Variants in ANXA4 observed in about 807,000 individuals in gnomAD.
ANXA4 encodes annexin A4, also known as 35-beta calcimedin.
Under a neutral mutation model 49.8 loss-of-function variants are expected in ANXA4, and 39 were observed. That is an observed-to-expected ratio of 0.78 (90% CI 0.61 to 1.02). The LOEUF (loss-of-function observed/expected upper bound fraction) is 1.02. Ranked by LOEUF, ANXA4 falls within the 50% of genes least tolerant of loss-of-function variation. The pLI is 0.00. For synonymous variants in ANXA4, 134 were observed against 152.5 expected (o/e 0.88, Z 0.89); for missense variants, 360 against 410.1 (o/e 0.88, Z 1.05).
At chr2:69,693,559 G>C (rs543296656) in intron 2 of ANXA4, among the ~76,000 whole-genome samples, 92 of 152,240 alleles carry the variant, frequency 6.0e-4, no homozygotes, top group African/African-American at 2.2e-3. Flanking sequence ...CATGTCTTCA[G>C]GCCTCTGGGG....
chr2:69,741,723 C>CG (rs541726574), upstream of ANXA4, among the ~76,000 whole-genome samples: 1 of 152,336 alleles, frequency 6.6e-6, no homozygotes, highest in East Asian at 1.9e-4. Flanking sequence ...GAGCTGGGCG[C>CG]GGCAGGCGCA....
At chr2:69,740,687 T>C, upstream of ANXA4, among the ~76,000 whole-genome samples, 1 of 137,526 alleles carries the variant, frequency 7.3e-6, no homozygotes, top group East Asian at 2.0e-4. Context: ...CCTCTTTTTT[T>C]TTTTTTTTTT....
intron 12 of ANXA4, among the ~76,000 whole-genome samples, chr2:69,825,108 C>T (rs1156379557): frequency 9.2e-6 from 1 of 108,182 alleles, no homozygotes; most frequent in Non-Finnish European, 2.1e-5. Flanking sequence ...CAAAAATGAA[C>T]AAAATAGGGA....
chr2:69,767,297 C>G (rs1671532080), intron 1 of ANXA4, among the ~76,000 whole-genome samples: 1 of 152,146 alleles, frequency 6.6e-6, no homozygotes, highest in South Asian at 2.1e-4. Flanking sequence ...TAAACATAAC[C>G]AGATGGGGTC....
At position 69,812,680 on chromosome 2, in the gene ANXA4, G is replaced by A; in HGVS notation, c.505G>A (p.Asp169Asn). Residue 169 changes from aspartate (D) to asparagine (N), a missense_variant, in exon 8 of 13, where the codon GAC (aspartate) becomes AAC (asparagine). Transcript: ENST00000394295. ...AGGRDEGNYL[D>N]DALVRQDAQD... ...TGGGAGGGATGAAGGAAATTATCTG[G>A]ACGATGCTCTCGTGAGACAGGATGC... The A allele has an allele frequency of 6.2e-7, 1 of 1,614,074 alleles. No individual in the cohort carries two copies. Among genetic ancestry groups the A allele is most frequent in the Non-Finnish European group, 8.5e-7 (1 of 1,179,996 alleles).
At chr2:69,771,200 C>T (rs1224034366) in intron 1 of ANXA4, among the ~76,000 whole-genome samples, 1 of 151,178 alleles carries the variant, frequency 6.6e-6, no homozygotes, top group Non-Finnish European at 1.5e-5. Flanking sequence ...GGAAGCCAAA[C>T]TCTAGCCTAA....
At chr2:69,722,379 C>G (rs949275873) in intron 3 of ANXA4, among the ~76,000 whole-genome samples, 9 of 152,138 alleles carry the variant, frequency 5.9e-5, no homozygotes, top group African/African-American at 2.2e-4. Context: ...AAGTGTCCAT[C>G]AACAGATGAA....
intron 2 of ANXA4, 89 bp downstream of exon 2, chr2:69,781,663 A>G (rs929699144): frequency 4.6e-5 from 66 of 1,431,236 alleles, no homozygotes; most frequent in Non-Finnish European, 6.3e-5. Context: ...TAAACAAAGC[A>G]TTGTTTACTC....
chr2:69,753,433 C>A (rs1670930763), intron 1 of ANXA4, among the ~76,000 whole-genome samples: 1 of 152,214 alleles, frequency 6.6e-6, no homozygotes, highest in Non-Finnish European at 1.5e-5. Flanking sequence ...ATTTTAACTG[C>A]TCCCCACGTG....
intron 3 of ANXA4, among the ~76,000 whole-genome samples, chr2:69,732,471 A>C (rs901231486): frequency 6.7e-6 from 1 of 149,868 alleles, no homozygotes; most frequent in Non-Finnish European, 1.5e-5. Context: ...AGAGTATTAC[A>C]GTGTTGGCTG....
intron 3 of ANXA4, among the ~76,000 whole-genome samples, chr2:69,801,900 C>T (rs555555618): frequency 6.6e-6 from 1 of 152,242 alleles, no homozygotes; most frequent in Admixed American, 6.5e-5. Flanking sequence ...TGGGAAACAA[C>T]ATATGACAGA....
intron 1 of ANXA4, among the ~76,000 whole-genome samples, chr2:69,766,656 G>C (rs1671506026): frequency 6.6e-6 from 1 of 152,196 alleles, no homozygotes; most frequent in South Asian, 2.1e-4. Context: ...AGTTAGACCT[G>C]TACTTTTCCT....
intron 2 of ANXA4, among the ~76,000 whole-genome samples, chr2:69,666,520 A>T (rs745830303): frequency 1.1e-4 from 16 of 152,236 alleles, no homozygotes; most frequent in Non-Finnish European, 2.2e-4. Context: ...TATGTATGCA[A>T]AAAAACTTAT....
chr2:69,645,025 C>G (rs1336760318), intron 1 of ANXA4: 1 of 152,154 alleles, frequency 6.6e-6, no homozygotes, highest in African/African-American at 2.4e-5. Flanking sequence ...TTTTCTAACC[C>G]CTGAATATGG....
chr2:69,690,424 A>G (rs1677924028), intron 2 of ANXA4, among the ~76,000 whole-genome samples: 1 of 152,118 alleles, frequency 6.6e-6, no homozygotes, highest in African/African-American at 2.4e-5. Context: ...TTTTTAGTAG[A>G]GACGGTGTTT....
At chr2:69,741,787 CG>C (rs752199797), upstream of ANXA4, among the ~76,000 whole-genome samples, 10 of 152,252 alleles carry the variant, frequency 6.6e-5, no homozygotes, top group East Asian at 1.2e-3. Flanking sequence ...GTGGAGCGCC[CG>C]GGAAACGGGA....
At position 69,666,634 on chromosome 2, in the gene ANXA4, C is replaced by G. The variant is rs905887760; in HGVS notation, n.766+13352C>G. ...ATAAACAAAATATGGAATATTCATA[C>G]AATGCAATATTATTCTACAATGAAA... On this transcript the variant is annotated intron_variant and non_coding_transcript_variant, in intron 2 of 3. Transcript: ENST00000418066. 8.5e-5 allele frequency among the ~76,000 whole-genome samples: 13 copies of G among 152,310 alleles called. No homozygotes were observed. The South Asian group carries it at 2.5e-3, about 29-fold the overall frequency.
intron 4 of ANXA4, 123 bp downstream of exon 4, chr2:69,804,750 A>G: frequency 1.1e-6 from 1 of 897,870 alleles, no homozygotes. Flanking sequence ...TGTCTTGTTT[A>G]AAGATGTTCT....
intron 3 of ANXA4, among the ~76,000 whole-genome samples, chr2:69,797,736 G>A (rs1673002856): frequency 1.3e-5 from 2 of 152,230 alleles, no homozygotes; most frequent in Non-Finnish European, 2.9e-5. Flanking sequence ...AGAGTACTGA[G>A]ACTAAAATTT....
Sources: gnomAD v4.1 joint callset for allele counts (sites outside exome capture counted in the v4.1 genomes callset) on GRCh38, gnomAD v4.1.1 for gene constraint, MANE v1.5 for transcripts, NCBI Gene and HGNC (gene_info 2026-07-23, HGNC 2026-07-21) for gene names.